The following GALNTL6 variants were observed in gnomAD, a reference collection of about 807,000 sequenced individuals.
GALNTL6 encodes polypeptide N-acetylgalactosaminyltransferase-like 6.
GALNTL6 carries 46 observed loss-of-function variants against 73.7 expected under a neutral mutation model. That is an observed-to-expected ratio of 0.62 (90% CI 0.49 to 0.80). The LOEUF (loss-of-function observed/expected upper bound fraction) is 0.80, where lower values mean the gene tolerates loss of function less well. Among genes scored for constraint, GALNTL6 ranks in the 30% least tolerant of loss-of-function variants. GALNTL6 has a pLI of 0.00. For missense variants in GALNTL6, 604 were observed against 755.0 expected (o/e 0.80, Z 2.34); for synonymous variants, 259 against 263.7 (o/e 0.98, Z 0.17).
At chr4:172,059,590 A>C (rs1186133588) in intron 2 of GALNTL6, among the ~76,000 whole-genome samples, 1 of 152,192 alleles carries the variant, frequency 6.6e-6, no homozygotes, top group Non-Finnish European at 1.5e-5. Flanking sequence ...AATACAAGTA[A>C]GGAGTTTTAA....
chr4:172,101,682 CTT>C (rs981472248), intron 2 of GALNTL6, among the ~76,000 whole-genome samples: 22 of 151,912 alleles, frequency 1.4e-4, no homozygotes, highest in Non-Finnish European at 2.4e-4. Flanking sequence ...TTAATATACT[CTT>C]TGAATATTTT....
At chr4:172,517,336 A>G (rs1326595993) in intron 5 of GALNTL6, among the ~76,000 whole-genome samples, 1 of 152,040 alleles carries the variant, frequency 6.6e-6, no homozygotes, top group East Asian at 1.9e-4. Context: ...ACATCACAAG[A>G]GCAATACAGG....
intron 2 of GALNTL6, among the ~76,000 whole-genome samples, chr4:171,984,402 G>A (rs1740002737): frequency 6.6e-6 from 1 of 152,178 alleles, no homozygotes; most frequent in Non-Finnish European, 1.5e-5. Flanking sequence ...GAGCAGGTAG[G>A]TGGTCTGCAT....
At chr4:171,836,342 T>A (rs1425646387) in intron 2 of GALNTL6, among the ~76,000 whole-genome samples, 1 of 152,092 alleles carries the variant, frequency 6.6e-6, no homozygotes, top group Non-Finnish European at 1.5e-5. Context: ...GCTGATGAAC[T>A]TTGGGGGCAA....
At chr4:171,935,852 T>A (rs1738326441) in intron 2 of GALNTL6, among the ~76,000 whole-genome samples, 2 of 152,132 alleles carry the variant, frequency 1.3e-5, no homozygotes, top group African/African-American at 2.4e-5. Context: ...GTTGCTTTCT[T>A]GCTTGGGTAG....
intron 5 of GALNTL6, among the ~76,000 whole-genome samples, chr4:172,711,762 G>A (rs1342676725): frequency 1.3e-5 from 2 of 152,206 alleles, no homozygotes; most frequent in African/African-American, 4.8e-5. Context: ...GGCGCAGTCT[G>A]AGCTAGAGAC....
intron 10 of GALNTL6, among the ~76,000 whole-genome samples, chr4:172,969,154 A>G (rs1750459924): frequency 6.6e-6 from 1 of 152,156 alleles, no homozygotes; most frequent in African/African-American, 2.4e-5. Context: ...AAGAGAACTG[A>G]GAAAACTCAG....
At chr4:172,161,841 A>G (rs775456722) in intron 2 of GALNTL6, among the ~76,000 whole-genome samples, 21 of 152,044 alleles carry the variant, frequency 1.4e-4, no homozygotes, top group Non-Finnish European at 3.1e-4. Flanking sequence ...TAGCACTTGT[A>G]ACGACAAGTC....
intron 2 of GALNTL6, among the ~76,000 whole-genome samples, chr4:172,037,394 A>G (rs1212714295): frequency 6.6e-6 from 1 of 152,098 alleles, no homozygotes; most frequent in Non-Finnish European, 1.5e-5. Context: ...CATCTATTTG[A>G]TCTTTCTTAA....
intron 5 of GALNTL6, among the ~76,000 whole-genome samples, chr4:172,594,129 G>A (rs988026888): frequency 1.6e-4 from 24 of 151,998 alleles, no homozygotes; most frequent in African/African-American, 4.1e-4. Context: ...GGTGGATCAC[G>A]AGGTCAGGAG....
chr4:172,860,594 C>A (rs1032705103), intron 7 of GALNTL6, among the ~76,000 whole-genome samples: 3 of 152,030 alleles, frequency 2.0e-5, no homozygotes, highest in Admixed American at 2.0e-4. Flanking sequence ...AGATACTCTA[C>A]CAAAAAGTGC....
At chr4:171,916,650 T>C (rs959566513) in intron 2 of GALNTL6, among the ~76,000 whole-genome samples, 1 of 152,168 alleles carries the variant, frequency 6.6e-6, no homozygotes, top group African/African-American at 2.4e-5. Context: ...AGTTAATCTA[T>C]TCAGCGCTTC....
chr4:172,356,131 A>G (rs1017015234), intron 5 of GALNTL6, among the ~76,000 whole-genome samples: 3 of 152,172 alleles, frequency 2.0e-5, no homozygotes, highest in East Asian at 1.9e-4. Context: ...CAGCTCACCA[A>G]CGTCACAAAG....
intron 12 of GALNTL6, among the ~76,000 whole-genome samples, chr4:173,027,146 G>A (rs951476174): frequency 8.5e-5 from 13 of 152,050 alleles, no homozygotes; most frequent in African/African-American, 2.7e-4. Flanking sequence ...ATGCCACCCA[G>A]CTACTTTTTG....
chr4:173,010,428 G>A (rs1752495069), intron 11 of GALNTL6, among the ~76,000 whole-genome samples: 1 of 152,012 alleles, frequency 6.6e-6, no homozygotes, highest in Admixed American at 6.5e-5. Context: ...GGACACTTAG[G>A]TTGCCTCCAA....
intron 3 of GALNTL6, among the ~76,000 whole-genome samples, chr4:172,244,445 A>C (rs189970110): frequency 1.8e-3 from 276 of 152,300 alleles, no homozygotes; most frequent in African/African-American, 6.0e-3. Context: ...AACAGAATTC[A>C]ATTTAACTAT....
intron 8 of GALNTL6, among the ~76,000 whole-genome samples, chr4:172,890,812 G>T (rs773752997): frequency 1.1e-4 from 17 of 152,074 alleles, no homozygotes; most frequent in Admixed American, 2.0e-4. Context: ...CCCTATTATT[G>T]TGTGGCTGTC....
intron 2 of GALNTL6, among the ~76,000 whole-genome samples, chr4:172,131,647 T>G (rs2111019306): frequency 6.6e-6 from 1 of 151,880 alleles, no homozygotes; most frequent in East Asian, 1.9e-4. Flanking sequence ...ATCTGCTTCA[T>G]TTTTACCACA....
intron 5 of GALNTL6, among the ~76,000 whole-genome samples, chr4:172,558,416 G>A (rs1736223913): frequency 6.6e-6 from 1 of 152,120 alleles, no homozygotes; most frequent in South Asian, 2.1e-4. Flanking sequence ...TATGGTTAAA[G>A]GAGGTCACAA....
Sources: allele counts gnomAD v4.1 joint callset (sites outside exome capture counted in the v4.1 genomes callset), GRCh38; gene constraint gnomAD v4.1.1; transcripts MANE v1.5; gene names NCBI Gene and HGNC (gene_info 2026-07-23, HGNC 2026-07-21).